Variants in CEP97 observed in about 807,000 individuals in gnomAD.
CEP97 encodes the protein centrosomal protein of 97 kDa.
Under a neutral mutation model 73.1 loss-of-function variants are expected in CEP97, and 43 were observed. The observed-to-expected ratio is 0.59, with a 90% CI of 0.46 to 0.76. The LOEUF is 0.76. Among genes scored for constraint, CEP97 ranks in the 30% least tolerant of loss-of-function variants. CEP97 has a pLI of 0.00. For synonymous variants in CEP97, 337 were observed against 370.0 expected (o/e 0.91, Z 1.02); for missense variants, 939 against 1,014.0 (o/e 0.93, Z 1.00).
At chr3:101,726,409 A>C (rs1937889704) in intron 1 of CEP97, among the ~76,000 whole-genome samples, 185 bp from the exon 2 acceptor site, 1 of 152,224 alleles carries the variant, frequency 6.6e-6, no homozygotes, top group Non-Finnish European at 1.5e-5. Flanking sequence ...CTGAAGAAAA[A>C]TGAGTAATTC....
Position 101,758,205 on chromosome 3 carries a change from T to G in CEP97, c.1599T>G (p.Thr533=). The G allele has an allele frequency of 2.5e-6, 4 of 1,614,110 alleles. No homozygotes were observed. The highest frequency in any genetic ancestry group is 3.4e-6 in the Non-Finnish European group (4 of 1,180,024). Residue 533 remains threonine (T), a synonymous_variant, in exon 9 of 11, where the codon ACT becomes ACG. Coordinates refer to ENST00000341893, the MANE Select transcript of CEP97 (RefSeq NM_024548.4). ...ATAAAGAAACCATATCTCAAGCAAC[T>G]TCAGAGAAACTTCCCATGATTTTAA... ...PENKETISQA[T]SEKLPMILTQ... is the part of the protein sequence containing the mutation.
intron 6 of CEP97, among the ~76,000 whole-genome samples, chr3:101,745,364 G>A (rs932455281): frequency 6.6e-6 from 1 of 152,110 alleles, no homozygotes; most frequent in Non-Finnish European, 1.5e-5. Context: ...GGGCTCAAAC[G>A]ATTCTTCTGC....
At position 101,770,333 on chromosome 3, in the gene CEP97, T is replaced by C. The variant is rs1939429036; in HGVS notation, c.*4782T>C. 2.0e-5 allele frequency: 3 copies of C among 152,194 alleles called. No individual in the cohort carries two copies. The South Asian group carries it at 6.2e-4, about 32-fold the overall frequency. The allele number at this position is 152,194 out of a possible 1,614,324, so 9.4% of individuals were successfully genotyped here. ...CCACTACACCTGGCCTTGTTCATCT[T>C]CTAATTAAATATCTTTGAATGTTTT... On this transcript the variant is annotated 3_prime_UTR_variant, in exon 11 of 11. Coordinates refer to ENST00000341893, the MANE Select transcript of CEP97 (RefSeq NM_024548.4).
Position 101,726,724 on chromosome 3 carries a change from A to G in CEP97, c.174A>G (p.Lys58=). The G allele has an allele frequency of 3.7e-6, 6 of 1,603,194 alleles. No homozygotes were observed. Among genetic ancestry groups the G allele is most frequent in the Non-Finnish European group, 5.1e-6 (6 of 1,173,194 alleles). ...IIKLENLEKC[K]RLIQLSVANN... ...AATTGGAAAATCTGGAGAAATGCAA[A>G]CGATTAATACAGGTAGGTATTGCAA... The change falls in exon 2 of 11, where the codon AAA becomes AAG. Residue 58 remains lysine, a synonymous_variant. Coordinates refer to ENST00000341893, the MANE Select transcript of CEP97 (RefSeq NM_024548.4).
intron 6 of CEP97, among the ~76,000 whole-genome samples, chr3:101,738,669 G>T (rs557815785): frequency 6.6e-6 from 1 of 152,280 alleles, no homozygotes; most frequent in East Asian, 1.9e-4. Context: ...AGAATCTCTG[G>T]TACACATTTA....
chr3:101,740,693 G>A (rs1025389457), intron 6 of CEP97, among the ~76,000 whole-genome samples: 2 of 151,932 alleles, frequency 1.3e-5, no homozygotes, highest in African/African-American at 2.4e-5. Context: ...GGGTTCAAGC[G>A]ATTCTCCTGC....
intron 4 of CEP97, among the ~76,000 whole-genome samples, chr3:101,729,877 T>G (rs1478826080): frequency 1.3e-5 from 2 of 152,114 alleles, no homozygotes; most frequent in Non-Finnish European, 2.9e-5. Context: ...CAATCTTGGC[T>G]CACTGCAACC....
intron 6 of CEP97, among the ~76,000 whole-genome samples, chr3:101,751,162 C>T (rs986151526): frequency 2.6e-5 from 4 of 152,138 alleles, no homozygotes; most frequent in Non-Finnish European, 5.9e-5. Flanking sequence ...GCCTTCATTT[C>T]GTTATGTACC....
intron 6 of CEP97, among the ~76,000 whole-genome samples, chr3:101,735,929 C>T (rs1938261591): frequency 2.0e-5 from 3 of 152,204 alleles, no homozygotes; most frequent in Admixed American, 2.0e-4. Context: ...CAGAGCCCAG[C>T]AAGCTAAGAT....
At chr3:101,754,959 A>T (rs1197744192) in intron 6 of CEP97, among the ~76,000 whole-genome samples, 1 of 148,920 alleles carries the variant, frequency 6.7e-6, no homozygotes, top group African/African-American at 2.5e-5. Flanking sequence ...GACAGGTATG[A>T]TTATAGCGCA....
intron 4 of CEP97, 131 bp downstream of exon 4, chr3:101,729,068 G>C: frequency 1.6e-6 from 1 of 622,510 alleles, no homozygotes; most frequent in Non-Finnish European, 2.9e-6. Context: ...TATGGGCTGG[G>C]CATGGTGGGT....
Position 101,727,388 on chromosome 3 carries a change from A to C in CEP97, c.192A>C (p.Ser64=). The C allele has an allele frequency of 6.2e-7, 1 of 1,610,940 alleles. No individual in the cohort carries two copies. The highest frequency in any genetic ancestry group is 8.5e-7 in the Non-Finnish European group (1 of 1,178,478). ...LEKCKRLIQL[S]VANNRLVRMM... is the part of the protein sequence containing the mutation. Reference sequence around the variant, plus strand: ...AATATGTTTCCTTTTTACAGTTATCAGTAGCTAATAATCGGCTGGTTCGGA... The same window carrying C: ...AATATGTTTCCTTTTTACAGTTATCCGTAGCTAATAATCGGCTGGTTCGGA... The change falls in exon 3 of 11, where the codon TCA becomes TCC. Residue 64 remains serine, a synonymous_variant. Coordinates refer to ENST00000341893, the MANE Select transcript of CEP97 (RefSeq NM_024548.4).
At chr3:101,762,864 A>G (rs749394525) in intron 10 of CEP97, among the ~76,000 whole-genome samples, 8 of 152,226 alleles carry the variant, frequency 5.3e-5, no homozygotes, top group Non-Finnish European at 7.3e-5. Context: ...TTGAAATTTC[A>G]TGTAGCTATC....
chr3:101,741,943 G>A (rs1308505520), intron 6 of CEP97, among the ~76,000 whole-genome samples: 2 of 151,980 alleles, frequency 1.3e-5, no homozygotes, highest in Non-Finnish European at 2.9e-5. Context: ...TCAGGGGGCT[G>A]AGGCAGGAGA....
chr3:101,750,132 A>G lies in CEP97; in HGVS notation c.729-5298A>G, dbSNP rs1293839162. On this transcript the variant is annotated intron_variant, in intron 6 of 10. Transcript: ENST00000341893. ...CTAGGGTTTTTATGGTTTTAGGTCT[A>G]ACGTTTAAGTCTTTAATCCATCTTG... Among the ~76,000 whole-genome samples, 7 of 141,828 alleles carry G rather than the reference A, an allele frequency of 4.9e-5. No homozygotes were observed. The East Asian group carries it at 1.2e-3, about 25-fold the overall frequency. The allele number at this position is 141,828 out of a possible 152,430, so 93.0% of individuals were successfully genotyped here.
At position 101,764,975 on chromosome 3, in the gene CEP97, C is replaced by T. The variant is rs75383743; in HGVS notation, c.2022C>T (p.Ser674=). ...CATTATTTACCCAAAGCCAGGAGTC[C>T]TCTTGTGATCAAAATGCTGATTGGT... The part of the protein sequence containing the change: ...KHPLFTQSQE[S]SCDQNADWFI... Residue 674 remains serine (S), a synonymous_variant, in exon 11 of 11, where the codon TCC becomes TCT. Coordinates refer to ENST00000341893, the MANE Select transcript of CEP97 (RefSeq NM_024548.4). 9.4e-4 allele frequency: 1,511 copies of T among 1,614,098 alleles called. 7 individuals are homozygous for T. The African/African-American group carries it at 0.012, about 13-fold the overall frequency.
At position 101,738,652 on chromosome 3, in the gene CEP97, A is replaced by G. The variant is rs888398220; in HGVS notation, c.728+5998A>G. On this transcript the variant is annotated intron_variant, in intron 6 of 10. Coordinates refer to ENST00000341893, the MANE Select transcript of CEP97 (RefSeq NM_024548.4). ...TGAAACCAATGAGAACAAAGACACAACATCCCAGAATCTCTGGTACACATT... is the reference window on the plus strand; with the variant it reads ...TGAAACCAATGAGAACAAAGACACAGCATCCCAGAATCTCTGGTACACATT... Among the ~76,000 whole-genome samples, 18 of 152,352 alleles carry G rather than the reference A, an allele frequency of 1.2e-4. No individual in the cohort carries two copies. In the East Asian group the frequency reaches 3.5e-3, roughly 29 times the overall value.
chr3:101,742,499 A>G (rs1938487681), intron 6 of CEP97, among the ~76,000 whole-genome samples: 1 of 822 alleles, frequency 1.2e-3, no homozygotes, highest in South Asian at 0.25. Flanking sequence ...CAGAAAACCA[A>G]ACACCTGCAT....
intron 6 of CEP97, among the ~76,000 whole-genome samples, chr3:101,751,782 C>G (rs1193656606): frequency 6.6e-6 from 1 of 152,028 alleles, no homozygotes; most frequent in Non-Finnish European, 1.5e-5. Context: ...TTCCTCCATC[C>G]TTTTATTTTG....
Sources: allele counts gnomAD v4.1 joint callset (sites outside exome capture counted in the v4.1 genomes callset), GRCh38; gene constraint gnomAD v4.1.1; transcripts MANE v1.5; gene names NCBI Gene and HGNC (gene_info 2026-07-23, HGNC 2026-07-21).